The following SNX7 variants were observed in gnomAD, a reference collection of about 807,000 sequenced individuals.
SNX7 encodes sorting nexin-7.
SNX7 carries 35 observed loss-of-function variants against 48.4 expected under a neutral mutation model. The ratio of observed to expected loss-of-function variants is 0.72; its 90% confidence interval spans 0.55 to 0.96. The LOEUF (loss-of-function observed/expected upper bound fraction) is 0.96. Among genes scored for constraint, SNX7 ranks in the 40% least tolerant of loss-of-function variants. SNX7 has a pLI of 0.00. For synonymous variants in SNX7, 190 were observed against 190.2 expected, an observed-to-expected ratio of 1.00 and a Z score of 0.01; for missense variants, 553 against 548.9, an observed-to-expected ratio of 1.01 and a Z score of -0.07.
intron 1 of SNX7, among the ~76,000 whole-genome samples, chr1:98,676,408 G>C (rs1650170011): frequency 6.6e-6 from 1 of 152,032 alleles, no homozygotes; most frequent in Non-Finnish European, 1.5e-5. Flanking sequence ...ACTGAAATTT[G>C]TCTTCTACTC....
intron 4 of SNX7, among the ~76,000 whole-genome samples, chr1:98,695,176 A>G (rs186304257): frequency 6.6e-6 from 1 of 152,192 alleles, no homozygotes; most frequent in Non-Finnish European, 1.5e-5. Flanking sequence ...AATTCCTATT[A>G]TAAAATATAG....
At chr1:98,757,691 T>C (rs1476930306) in intron 8 of SNX7, among the ~76,000 whole-genome samples, 3 of 151,664 alleles carry the variant, frequency 2.0e-5, no homozygotes, top group African/African-American at 7.3e-5. Flanking sequence ...ATTTCCAGGG[T>C]GTTGAAAACC....
At chr1:98,674,367 G>A (rs911486210) in intron 1 of SNX7, among the ~76,000 whole-genome samples, 2 of 152,146 alleles carry the variant, frequency 1.3e-5, no homozygotes, top group Non-Finnish European at 2.9e-5. Flanking sequence ...CCTTCTGAGG[G>A]CCGTGAGAGA....
chr1:98,711,515 T>C (rs1391179831), intron 7 of SNX7, among the ~76,000 whole-genome samples: 3 of 152,218 alleles, frequency 2.0e-5, no homozygotes, highest in Non-Finnish European at 2.9e-5. Context: ...ATAAAAGTTA[T>C]GTTTGCACTA....
chr1:98,662,033 C>CCTCACTCGTCCCCA, intron 1 of SNX7, 122 bp downstream of exon 1: 1 of 1,053,290 alleles, frequency 9.5e-7, no homozygotes, highest in Non-Finnish European at 1.2e-6. Flanking sequence ...GAGCTGGGGA[C>CCTCACTCGTCCCCA]GAGTGAGGTC....
At chr1:98,667,316 A>G (rs1007116650) in intron 1 of SNX7, among the ~76,000 whole-genome samples, 1 of 152,218 alleles carries the variant, frequency 6.6e-6, no homozygotes, top group Non-Finnish European at 1.5e-5. Context: ...AGAAAGCTCC[A>G]TTAGTCATTG....
chr1:98,686,405 TAGTA>T (rs1190060285), intron 2 of SNX7, among the ~76,000 whole-genome samples: 1 of 152,124 alleles, frequency 6.6e-6, no homozygotes, highest in East Asian at 1.9e-4. Flanking sequence ...ACACCCCACT[TAGTA>T]AAGTGCCTAA....
chr1:98,744,203 T>C (rs908353721), intron 8 of SNX7, among the ~76,000 whole-genome samples: 2 of 151,996 alleles, frequency 1.3e-5, no homozygotes, highest in African/African-American at 4.8e-5. Context: ...TCCTAGAATT[T>C]AGTAAAGTAG....
chr1:98,725,576 T>G (rs1042880895), intron 7 of SNX7, among the ~76,000 whole-genome samples: 1 of 152,102 alleles, frequency 6.6e-6, no homozygotes, highest in African/African-American at 2.4e-5. Flanking sequence ...CCTAAAAAGA[T>G]GTTTGGAAGT....
intron 7 of SNX7, among the ~76,000 whole-genome samples, chr1:98,711,898 T>G (rs1268553964): frequency 6.6e-6 from 1 of 152,200 alleles, no homozygotes; most frequent in Non-Finnish European, 1.5e-5. Flanking sequence ...TCAACTAAGT[T>G]TTCATAATAT....
intron 4 of SNX7, among the ~76,000 whole-genome samples, chr1:98,692,099 T>G (rs1207490085): frequency 6.6e-6 from 1 of 152,090 alleles, no homozygotes; most frequent in Admixed American, 6.5e-5. Context: ...CTTATGAAAT[T>G]GAAAATCCAT....
At chr1:98,705,657 A>T (rs1651969707) in intron 7 of SNX7, among the ~76,000 whole-genome samples, 1 of 152,202 alleles carries the variant, frequency 6.6e-6, no homozygotes. Flanking sequence ...TAGAAGCTCA[A>T]AAAGCATGCT....
intron 7 of SNX7, among the ~76,000 whole-genome samples, chr1:98,723,786 G>A (rs61786362): frequency 0.55 from 83,707 of 151,484 alleles, 24,131 homozygotes; most frequent in Non-Finnish European, 0.64. Flanking sequence ...GATTGATCCC[G>A]GGAGGCAGAG....
chr1:98,732,185 C>T (rs12404259), intron 7 of SNX7, among the ~76,000 whole-genome samples: 42,033 of 151,954 alleles, frequency 0.28, 6,130 homozygotes, highest in Middle Eastern at 0.31. Context: ...TAACAGTGGG[C>T]TTATTGGGAG....
At chr1:98,666,614 A>C (rs559555850) in intron 1 of SNX7, among the ~76,000 whole-genome samples, 1 of 152,278 alleles carries the variant, frequency 6.6e-6, no homozygotes, top group Admixed American at 6.5e-5. Context: ...AATAAAGGTG[A>C]CTGTGTCAGT....
Position 98,712,056 on chromosome 1 carries a change from T to C in SNX7, c.1125+10153T>C, listed in dbSNP as rs369484819. Among the ~76,000 whole-genome samples the C allele has an allele frequency of 2.6e-4, 40 of 152,334 alleles. No individual in the cohort carries two copies. In the South Asian group the frequency reaches 7.7e-3, roughly 29 times the overall value. ...ATGAGATTGTAGCAATTCGGTCATC[T>C]CTTCAGGCTCTACTTCTAATTATAG... On this transcript the variant is annotated intron_variant, in intron 7 of 8. Coordinates refer to ENST00000306121, the MANE Select transcript of SNX7 (RefSeq NM_015976.5).
chr1:98,730,667 A>G (rs1282069214), intron 7 of SNX7, among the ~76,000 whole-genome samples: 2 of 152,110 alleles, frequency 1.3e-5, no homozygotes, highest in African/African-American at 2.4e-5. Context: ...CACAAAAAGA[A>G]TAAAATACCT....
At chr1:98,732,098 G>A (rs1315971906) in intron 7 of SNX7, among the ~76,000 whole-genome samples, 1 of 152,094 alleles carries the variant, frequency 6.6e-6, no homozygotes, top group Non-Finnish European at 1.5e-5. Context: ...AAAATCCTAA[G>A]TTGAATGATT....
chr1:98,718,984 C>T (rs1652727596), intron 7 of SNX7, among the ~76,000 whole-genome samples: 1 of 152,038 alleles, frequency 6.6e-6, no homozygotes, highest in East Asian at 1.9e-4. Context: ...ATAAATAATG[C>T]TTTAATGAAG....
Sources: allele counts gnomAD v4.1 joint callset (sites outside exome capture counted in the v4.1 genomes callset), GRCh38; gene constraint gnomAD v4.1.1; transcripts MANE v1.5; gene names NCBI Gene and HGNC (gene_info 2026-07-23, HGNC 2026-07-21).